The following LRRC72 variants were observed in gnomAD, a reference collection of about 807,000 sequenced individuals.
The protein encoded by LRRC72 is leucine-rich repeat-containing protein 72.
LRRC72 carries 41 observed loss-of-function variants against 35.8 expected under a neutral mutation model. The observed-to-expected ratio is 1.15, with a 90% CI of 0.89 to 1.49. The LOEUF (loss-of-function observed/expected upper bound fraction) is 1.49, where lower values mean the gene tolerates loss of function less well. LRRC72 is among the 40% of genes most tolerant of loss of function. The pLI is 0.00. For missense variants in LRRC72, 389 were observed against 330.7 expected, an observed-to-expected ratio of 1.18 and a Z score of -1.37; for synonymous variants, 118 against 119.2, an observed-to-expected ratio of 0.99 and a Z score of 0.07.
intron 7 of LRRC72, among the ~76,000 whole-genome samples, chr7:16,568,710 T>TAACAAC (rs563241776): frequency 2.6e-5 from 4 of 151,700 alleles, no homozygotes; most frequent in African/African-American, 7.3e-5. Context: ...AAAAGACACA[T>TAACAAC]AACAACAACA....
intron 3 of LRRC72, among the ~76,000 whole-genome samples, chr7:16,548,310 G>A (rs1296110244): frequency 1.3e-5 from 2 of 152,214 alleles, no homozygotes; most frequent in African/African-American, 4.8e-5. Flanking sequence ...GGCTAAAAGA[G>A]CCATAACACA....
At chr7:16,555,969 G>GTTATTAGAACATAACTGCTCCATA (rs1317519290) in intron 3 of LRRC72, among the ~76,000 whole-genome samples, 228 of 152,036 alleles carry the variant, frequency 1.5e-3, no homozygotes, top group African/African-American at 3.6e-3. Context: ...CTTATTTGCA[G>GTTATTAGAACATAACTGCTCCATA]TTATTAGAAC....
chr7:16,556,012 C>T (rs556863046), intron 3 of LRRC72, among the ~76,000 whole-genome samples: 1 of 151,714 alleles, frequency 6.6e-6, no homozygotes, highest in East Asian at 1.9e-4. Context: ...TCTACCATGT[C>T]TCAACTTCAC....
Position 16,526,901 on chromosome 7 carries a change from C to T in LRRC72, c.-52C>T, listed in dbSNP as rs987042768. 2.8e-6 allele frequency: 4 copies of T among 1,437,120 alleles called. No homozygotes were observed. Among genetic ancestry groups the T allele is most frequent in the East Asian group, 5.0e-5 (2 of 40,332 alleles). The allele number at this position is 1,437,120 out of a possible 1,614,324, so 89.0% of individuals were successfully genotyped here. On this transcript the variant is annotated 5_prime_UTR_variant, in exon 1 of 9. Transcript: ENST00000401542. ...AAGCCAAGTCTCTCTTCGGTGCCAC[C>T]GGCGGGCGAGGCCGGATTAATCACC...
At chr7:16,578,064 A>G (rs972264809) in intron 7 of LRRC72, among the ~76,000 whole-genome samples, 35 of 152,242 alleles carry the variant, frequency 2.3e-4, no homozygotes, top group African/African-American at 8.4e-4. Flanking sequence ...GAAAAAATAT[A>G]TAGGTATAAG....
chr7:16,560,028 C>T (rs970692624), intron 5 of LRRC72, among the ~76,000 whole-genome samples: 9 of 152,126 alleles, frequency 5.9e-5, no homozygotes, highest in African/African-American at 2.2e-4. Flanking sequence ...TAATACACCA[C>T]TCCTACTCTC....
intron 8 of LRRC72, among the ~76,000 whole-genome samples, chr7:16,581,074 A>C (rs1446548560): frequency 2.0e-5 from 3 of 152,272 alleles, no homozygotes; most frequent in Middle Eastern, 3.4e-3. Flanking sequence ...GTGAGATCTA[A>C]ACTGTAATAG....
chr7:16,577,650 C>A (rs1783064728), intron 7 of LRRC72, among the ~76,000 whole-genome samples: 1 of 151,774 alleles, frequency 6.6e-6, no homozygotes, highest in Non-Finnish European at 1.5e-5. Context: ...TGGAGGAAGT[C>A]TTTATAACAT....
chr7:16,571,071 G>C (rs562231627), intron 7 of LRRC72, among the ~76,000 whole-genome samples: 1 of 151,166 alleles, frequency 6.6e-6, no homozygotes, highest in Non-Finnish European at 1.5e-5. Flanking sequence ...GGTGTCATTC[G>C]ATTTGTTCCT....
chr7:16,536,893 T>C (rs1782267793), intron 2 of LRRC72: 2 of 152,180 alleles, frequency 1.3e-5, no homozygotes, highest in South Asian at 4.1e-4. Flanking sequence ...CGTACATGTA[T>C]ACTTACTTGG....
intron 7 of LRRC72, among the ~76,000 whole-genome samples, chr7:16,575,400 C>T (rs1394033257): frequency 1.3e-5 from 2 of 152,164 alleles, no homozygotes; most frequent in Non-Finnish European, 2.9e-5. Flanking sequence ...ACCTGAGAAG[C>T]TGTGTTTTAT....
At chr7:16,552,439 A>G (rs1782569087) in intron 3 of LRRC72, among the ~76,000 whole-genome samples, 1 of 152,204 alleles carries the variant, frequency 6.6e-6, no homozygotes, top group Non-Finnish European at 1.5e-5. Context: ...TGGGATGGCC[A>G]AGGTTAAGAA....
chr7:16,538,527 A>G (rs1378767779), intron 3 of LRRC72, among the ~76,000 whole-genome samples: 1 of 152,144 alleles, frequency 6.6e-6, no homozygotes, highest in Non-Finnish European at 1.5e-5. Context: ...TCCCTTATAC[A>G]GTGCCCCAGG....
At chr7:16,573,461 G>T (rs1339145913) in intron 7 of LRRC72, among the ~76,000 whole-genome samples, 1 of 152,130 alleles carries the variant, frequency 6.6e-6, no homozygotes, top group African/African-American at 2.4e-5. Flanking sequence ...CAGATATATA[G>T]ACCAATGTAA....
chr7:16,572,347 C>G (rs991245126), intron 7 of LRRC72, among the ~76,000 whole-genome samples: 1 of 152,084 alleles, frequency 6.6e-6, no homozygotes, highest in Non-Finnish European at 1.5e-5. Context: ...GGCAGAGACA[C>G]AACAACAAAA....
intron 3 of LRRC72, among the ~76,000 whole-genome samples, chr7:16,546,469 A>T (rs572823968): frequency 6.6e-6 from 1 of 152,162 alleles, no homozygotes; most frequent in Non-Finnish European, 1.5e-5. Context: ...AGATATTGTC[A>T]AATGCTCCCT....
chr7:16,568,336 T>G (rs1186897872), intron 7 of LRRC72, among the ~76,000 whole-genome samples: 1 of 152,168 alleles, frequency 6.6e-6, no homozygotes, highest in Non-Finnish European at 1.5e-5. Flanking sequence ...TTATGACACT[T>G]CGCCAAAGAG....
Position 16,526,996 on chromosome 7 carries a change from G to C in LRRC72, c.44G>C (p.Trp15Ser). Residue 15 changes from tryptophan (W) to serine (S), a missense_variant, in exon 1 of 9, where the codon TGG (tryptophan) becomes TCG (serine). By Grantham distance (177) the Trp-to-Ser change is radical. Coordinates refer to ENST00000401542, the MANE Select transcript of LRRC72 (RefSeq NM_001195280.2). The stretch of plus-strand genomic sequence containing the variant: ...CCCGTGCCCCGTACCTTGCGATGCT[G>C]GCGCCTACGGAGGGCATCCGAAACT... ...PNPVPRTLRC[W>S]RLRRASETAL... is the part of the protein sequence containing the mutation. 6.5e-7 allele frequency: 1 copy of C among 1,539,972 alleles called. No homozygotes were observed. Among genetic ancestry groups the C allele is most frequent in the Non-Finnish European group, 8.7e-7 (1 of 1,146,932 alleles).
chr7:16,555,058 C>T (rs945495421), intron 3 of LRRC72, among the ~76,000 whole-genome samples: 3 of 152,220 alleles, frequency 2.0e-5, no homozygotes, highest in African/African-American at 4.8e-5. Context: ...GGGAAAAGTT[C>T]GAAAGTGATA....
Sources: allele counts gnomAD v4.1 joint callset (sites outside exome capture counted in the v4.1 genomes callset), GRCh38; gene constraint gnomAD v4.1.1; transcripts MANE v1.5; gene names NCBI Gene and HGNC (gene_info 2026-07-23, HGNC 2026-07-21).